The following ZNF804A variants were observed in gnomAD, a reference collection of about 807,000 sequenced individuals.
ZNF804A encodes zinc finger protein 804A.
A neutral mutation model predicts 16.5 loss-of-function variants in ZNF804A; 2 were observed. The ratio of observed to expected loss-of-function variants is 0.12; its 90% CI spans 0.05 to 0.38. The LOEUF is 0.38. Among genes scored for constraint, ZNF804A ranks in the 10% least tolerant of loss-of-function variants. The probability of loss-of-function intolerance (pLI) is 0.99; values close to 1 mark genes in which losing one functional copy is unlikely to be tolerated. For missense variants in ZNF804A, 1,473 were observed against 1,390.7 expected (o/e 1.06, Z -0.94); for synonymous variants, 534 against 489.6 (o/e 1.09, Z -1.20).
chr2:184,621,047 TAAAC>T (rs1056332655), intron 1 of ZNF804A, among the ~76,000 whole-genome samples: 5 of 151,474 alleles, frequency 3.3e-5, no homozygotes, highest in Non-Finnish European at 7.4e-5. Context: ...CAGACGAACA[TAAAC>T]AAACATTCAA....
At chr2:184,613,262 C>T (rs1013200155) in intron 1 of ZNF804A, among the ~76,000 whole-genome samples, 1 of 152,200 alleles carries the variant, frequency 6.6e-6, no homozygotes, top group African/African-American at 2.4e-5. Flanking sequence ...TATTCTCTCT[C>T]TTTCTCGCTC....
At chr2:184,675,791 GC>G (rs1332340130) in intron 1 of ZNF804A, among the ~76,000 whole-genome samples, 1 of 151,658 alleles carries the variant, frequency 6.6e-6, no homozygotes, top group Non-Finnish European at 1.5e-5. Flanking sequence ...TCTGTATTCT[GC>G]CCCTACTATT....
intron 1 of ZNF804A, among the ~76,000 whole-genome samples, chr2:184,693,180 A>G (rs1175618156): frequency 1.3e-5 from 2 of 152,092 alleles, no homozygotes; most frequent in Admixed American, 6.6e-5. Flanking sequence ...ATTTTTTCGT[A>G]TTATTATATT....
At chr2:184,934,534 T>C (rs1444226550) in intron 3 of ZNF804A, among the ~76,000 whole-genome samples, 1 of 152,148 alleles carries the variant, frequency 6.6e-6, no homozygotes, top group Non-Finnish European at 1.5e-5. Context: ...TATATGTATT[T>C]GGAATCCTAC....
At chr2:184,780,464 A>G (rs780007887) in intron 1 of ZNF804A, among the ~76,000 whole-genome samples, 35 of 151,738 alleles carry the variant, frequency 2.3e-4, no homozygotes, top group Non-Finnish European at 4.4e-4. Flanking sequence ...AGAACTGAAG[A>G]ATTATTCTTA....
chr2:184,773,800 A>T (rs1694251425), intron 1 of ZNF804A, among the ~76,000 whole-genome samples: 1 of 151,964 alleles, frequency 6.6e-6, no homozygotes, highest in African/African-American at 2.4e-5. Flanking sequence ...ATCCATTGAA[A>T]TAAAAATTTT....
intron 1 of ZNF804A, among the ~76,000 whole-genome samples, chr2:184,778,385 G>A (rs951947510): frequency 2.0e-5 from 3 of 151,352 alleles, no homozygotes; most frequent in Non-Finnish European, 3.0e-5. Flanking sequence ...TTTACTTTTT[G>A]TTGGGTGTAC....
At position 184,939,103 on chromosome 2, in the gene ZNF804A, A is replaced by T; in HGVS notation, c.*77A>T. 2 of 1,521,600 alleles carry T rather than the reference A, an allele frequency of 1.3e-6. No homozygotes were observed. Among genetic ancestry groups the T allele is most frequent in the South Asian group, 2.5e-5 (2 of 78,788 alleles). The allele number at this position is 1,521,600 out of a possible 1,614,324, so 94.3% of individuals were successfully genotyped here. A position where few individuals can be genotyped will look rare whatever the true frequency, so the allele number is the denominator to read the frequency against. On this transcript the variant is annotated 3_prime_UTR_variant, in exon 4 of 4. Coordinates refer to ENST00000302277, the MANE Select transcript of ZNF804A (RefSeq NM_194250.2). ...GTTAAGTGTTCATCTATGTGGGTAC[A>T]TGGCTATTTAACTGGTGGAAATAAA...
At chr2:184,656,281 C>A (rs181335539) in intron 1 of ZNF804A, among the ~76,000 whole-genome samples, 29 of 152,164 alleles carry the variant, frequency 1.9e-4, no homozygotes, top group African/African-American at 6.7e-4. Context: ...ACAGTATGCA[C>A]GCAATATTGC....
intron 1 of ZNF804A, among the ~76,000 whole-genome samples, chr2:184,633,464 T>G (rs1037797677): frequency 6.6e-6 from 1 of 152,174 alleles, no homozygotes; most frequent in Non-Finnish European, 1.5e-5. Context: ...GTTTTCTACT[T>G]AAATAAACTG....
chr2:184,924,166 C>T (rs1300239026), intron 2 of ZNF804A, among the ~76,000 whole-genome samples: 1 of 151,646 alleles, frequency 6.6e-6, no homozygotes, highest in African/African-American at 2.4e-5. Flanking sequence ...TCTTTAAATG[C>T]TTGGTTCAAT....
At chr2:184,900,207 A>G (rs867975909) in intron 2 of ZNF804A, among the ~76,000 whole-genome samples, 2 of 152,114 alleles carry the variant, frequency 1.3e-5, no homozygotes, top group African/African-American at 2.4e-5. Context: ...AGCTTTGCTC[A>G]TGTCTGTTTT....
At chr2:184,850,225 G>T (rs1229486569) in intron 1 of ZNF804A, among the ~76,000 whole-genome samples, 1 of 151,862 alleles carries the variant, frequency 6.6e-6, no homozygotes, top group Admixed American at 6.6e-5. Flanking sequence ...AGTGGAATTA[G>T]AAGGTTCCTA....
chr2:184,845,311 T>C (rs558870181), intron 1 of ZNF804A, among the ~76,000 whole-genome samples: 1 of 152,296 alleles, frequency 6.6e-6, no homozygotes, highest in African/African-American at 2.4e-5. Context: ...GGAACTGAGA[T>C]AAATAGACCT....
intron 1 of ZNF804A, among the ~76,000 whole-genome samples, chr2:184,792,271 TTCATTTCTATCA>T (rs1694558530): frequency 6.6e-6 from 1 of 152,192 alleles, no homozygotes; most frequent in Non-Finnish European, 1.5e-5. Flanking sequence ...TGTACCATCT[TTCATTTCTATCA>T]GCAATGAATG....
intron 1 of ZNF804A, among the ~76,000 whole-genome samples, chr2:184,629,177 T>C (rs980925230): frequency 1.2e-4 from 18 of 152,168 alleles, no homozygotes; most frequent in Non-Finnish European, 2.6e-4. Context: ...TATTCCTTTG[T>C]TGATTTTATG....
chr2:184,882,312 T>C (rs1684820777), intron 2 of ZNF804A, among the ~76,000 whole-genome samples: 1 of 152,028 alleles, frequency 6.6e-6, no homozygotes, highest in Non-Finnish European at 1.5e-5. Flanking sequence ...AGCAAGTTCC[T>C]AAAGACTTAT....
At position 184,936,897 on chromosome 2, in the gene ZNF804A, A is replaced by C; in HGVS notation, c.1501A>C (p.Lys501Gln). 6.2e-7 allele frequency: 1 copy of C among 1,613,826 alleles called. No individual in the cohort carries two copies. Among genetic ancestry groups the C allele is most frequent in the Non-Finnish European group, 8.5e-7 (1 of 1,179,866 alleles). ...TTGCATGGGACCACTTTCAGATTAC[A>C]AGGATGTATCTACAGAAGGACTCAC... ...DICMGPLSDY[K>Q]DVSTEGLTDY... Residue 501 changes from lysine to glutamine, a missense_variant, in exon 4 of 4, where the codon AAG becomes CAG. Coordinates refer to ENST00000302277, the MANE Select transcript of ZNF804A (RefSeq NM_194250.2).
At chr2:184,670,168 A>G (rs1692320414) in intron 1 of ZNF804A, among the ~76,000 whole-genome samples, 1 of 152,008 alleles carries the variant, frequency 6.6e-6, no homozygotes, top group South Asian at 2.1e-4. Context: ...TCCTTTCTAT[A>G]TAAATATGCT....
Sources: gnomAD v4.1 joint callset for allele counts (sites outside exome capture counted in the v4.1 genomes callset) on GRCh38, gnomAD v4.1.1 for gene constraint, MANE v1.5 for transcripts, NCBI Gene and HGNC (gene_info 2026-07-23, HGNC 2026-07-21) for gene names.